Variants in SAMD4A observed in about 807,000 individuals in gnomAD.
The protein encoded by SAMD4A is sterile alpha motif domain containing 4A, also known as protein Smaug homolog 1.
A neutral mutation model predicts 81.3 loss-of-function variants in SAMD4A; 33 were observed. The ratio of observed to expected loss-of-function variants is 0.41; its 90% CI spans 0.31 to 0.54. The LOEUF (loss-of-function observed/expected upper bound fraction) is 0.54, where lower values mean the gene tolerates loss of function less well. SAMD4A is among the 20% of genes least tolerant of loss of function. The pLI, the probability that SAMD4A is intolerant of heterozygous loss-of-function variation, is 0.37. For missense variants in SAMD4A, 854 were observed against 951.1 expected (o/e 0.90, Z 1.34); for synonymous variants, 389 against 382.1 (o/e 1.02, Z -0.21).
Position 54,651,929 on chromosome 14 carries a change from C to T in SAMD4A, c.197-50133C>T, listed in dbSNP as rs1179347682. On this transcript the variant is annotated intron_variant, in intron 2 of 12. Coordinates refer to ENST00000554335, the MANE Select transcript of SAMD4A (RefSeq NM_015589.6). ...TTTGGTAATTGTAAACCATCCAGGA[C>T]CGTATCCTTTAGGTTTAATTTATCT... Among the ~76,000 whole-genome samples the T allele has an allele frequency of 2.6e-5, 4 of 152,196 alleles. No homozygotes were observed. The East Asian group carries it at 7.7e-4, about 29-fold the overall frequency.
chr14:54,688,931 C>CTTTTTTTTTTTTTTTTT (rs71127666), intron 2 of SAMD4A, among the ~76,000 whole-genome samples: 1 of 116,094 alleles, frequency 8.6e-6, no homozygotes, highest in Non-Finnish European at 1.8e-5. Flanking sequence ...AGTCGTAATT[C>CTTTTTTTTTTTTTTTTT]TTTTTTTTTT....
chr14:54,567,840 C>T lies in SAMD4A; in HGVS notation c.-77C>T. 1.3e-6 allele frequency: 2 copies of T among 1,505,930 alleles called. No homozygotes were observed. Among genetic ancestry groups the T allele is most frequent in the Non-Finnish European group, 1.8e-6 (2 of 1,123,474 alleles). The allele number at this position is 1,505,930 out of a possible 1,614,324, so 93.3% of individuals were successfully genotyped here. A position where few individuals can be genotyped will look rare whatever the true frequency, so the allele number is the denominator to read the frequency against. Reference sequence around the variant, plus strand: ...CGCGTCTCCGGCCGCGGGGCTGCGGCTCCGCCAAACTTTGGGGCGGGCGGG... The same window carrying T: ...CGCGTCTCCGGCCGCGGGGCTGCGGTTCCGCCAAACTTTGGGGCGGGCGGG... On this transcript the variant is annotated 5_prime_UTR_variant, in exon 2 of 13. Coordinates refer to ENST00000554335, the MANE Select transcript of SAMD4A (RefSeq NM_015589.6).
intron 2 of SAMD4A, among the ~76,000 whole-genome samples, chr14:54,598,719 CAA>C (rs2033976962): frequency 6.6e-6 from 1 of 152,052 alleles, no homozygotes; most frequent in Non-Finnish European, 1.5e-5. Flanking sequence ...AAAATAAAGA[CAA>C]AGAAAACAAA....
At position 54,702,448 on chromosome 14, in the gene SAMD4A, G is replaced by T. The variant is rs1180998464; in HGVS notation, c.583G>T (p.Asp195Tyr). 4 of 1,614,034 alleles carry T rather than the reference G, an allele frequency of 2.5e-6. No homozygotes were observed. The highest frequency in any genetic ancestry group is 3.4e-6 in the Non-Finnish European group (4 of 1,180,010). Residue 195 changes from aspartate to tyrosine, a missense_variant, in exon 3 of 13, where the codon GAT becomes TAT. Around this residue, in one of 3 missense-constraint regions of SAMD4A, gnomAD observed 387 missense variants for 405.8 expected, o/e 0.95. Transcript: ENST00000554335. Reference protein sequence around the residue: ...DKLNGWQNSRDSGICINASNW... With the variant: ...DKLNGWQNSRYSGICINASNW... ...GCTCAATGGGTGGCAGAACTCTCGG[G>T]ATTCTGGGATTTGCATCAATGCCTC...
chr14:54,650,414 AT>A, intron 2 of SAMD4A, among the ~76,000 whole-genome samples: 1 of 152,210 alleles, frequency 6.6e-6, no homozygotes, highest in East Asian at 1.9e-4. Flanking sequence ...GGAATGGCCC[AT>A]TGTTGAAGAT....
chr14:54,691,926 A>T (rs991657927), intron 2 of SAMD4A, among the ~76,000 whole-genome samples: 6 of 152,246 alleles, frequency 3.9e-5, no homozygotes, highest in African/African-American at 1.4e-4. Context: ...CCCCCATTGG[A>T]TGACTTGTAC....
Position 54,567,848 on chromosome 14 carries a change from A to G in SAMD4A, c.-69A>G. ...CGGCCGCGGGGCTGCGGCTCCGCCAAACTTTGGGGCGGGCGGGGCGGGCTG... is the reference window on the plus strand; with the variant it reads ...CGGCCGCGGGGCTGCGGCTCCGCCAGACTTTGGGGCGGGCGGGGCGGGCTG... On this transcript the variant is annotated 5_prime_UTR_variant, in exon 2 of 13. Transcript: ENST00000554335. 2 of 1,531,316 alleles carry G rather than the reference A, an allele frequency of 1.3e-6. No individual in the cohort carries two copies. The highest frequency in any genetic ancestry group is 1.7e-6 in the Non-Finnish European group (2 of 1,145,404). 94.9% of individuals were successfully genotyped at this position (1,531,316 alleles called of 1,614,324 possible).
At chr14:54,694,583 C>A (rs1334107412) in intron 2 of SAMD4A, 1 of 981,872 alleles carries the variant, frequency 1.0e-6, no homozygotes, top group Admixed American at 6.2e-5. Context: ...AGGGGAGAAA[C>A]CTGGGCTGGA....
intron 2 of SAMD4A, among the ~76,000 whole-genome samples, chr14:54,614,753 A>G (rs2034450338): frequency 6.6e-6 from 1 of 152,192 alleles, no homozygotes; most frequent in African/African-American, 2.4e-5. Context: ...TCAGTTATTT[A>G]TAAAATAAAG....
At chr14:54,730,085 T>G (rs907124166) in intron 3 of SAMD4A, among the ~76,000 whole-genome samples, 3 of 152,214 alleles carry the variant, frequency 2.0e-5, no homozygotes, top group African/African-American at 7.2e-5. Flanking sequence ...AATTTATTTC[T>G]TAAAAGCTCA....
At chr14:54,722,079 T>G (rs1205857401) in intron 3 of SAMD4A, among the ~76,000 whole-genome samples, 1 of 152,226 alleles carries the variant, frequency 6.6e-6, no homozygotes, top group African/African-American at 2.4e-5. Flanking sequence ...TTAAAAAGAT[T>G]AAGTATTAAT....
At chr14:54,623,477 C>A (rs2034666052) in intron 2 of SAMD4A, among the ~76,000 whole-genome samples, 1 of 32,214 alleles carries the variant, frequency 3.1e-5, no homozygotes, top group Non-Finnish European at 5.9e-5. Flanking sequence ...ATAACTTGGA[C>A]ATCAGCAAAA....
chr14:54,635,000 C>T (rs17253570), intron 2 of SAMD4A, among the ~76,000 whole-genome samples: 18,318 of 152,132 alleles, frequency 0.12, 1,154 homozygotes, highest in Middle Eastern at 0.17. Context: ...ATTCAGGGCT[C>T]ATCAGTTACA....
intron 2 of SAMD4A, among the ~76,000 whole-genome samples, chr14:54,594,756 A>T (rs920194838): frequency 7.9e-5 from 12 of 152,242 alleles, no homozygotes; most frequent in Non-Finnish European, 1.6e-4. Flanking sequence ...TTAAAATATT[A>T]AACTAGTCTC....
upstream of SAMD4A, among the ~76,000 whole-genome samples, chr14:54,566,425 G>A (rs1213458584): frequency 1.3e-5 from 2 of 151,910 alleles, no homozygotes; most frequent in East Asian, 1.9e-4. Flanking sequence ...GCAGCGTGTT[G>A]TTGGAAGCTA....
Position 54,760,334 on chromosome 14 carries a change from C to T in SAMD4A, c.1350C>T (p.Cys450=). 1 of 1,602,720 alleles carries T rather than the reference C, an allele frequency of 6.2e-7. No homozygotes were observed. Among genetic ancestry groups the T allele is most frequent in the Non-Finnish European group, 8.5e-7 (1 of 1,177,368 alleles). The change falls in exon 7 of 13, where the codon TGC becomes TGT. Residue 450 remains cysteine (C), a synonymous_variant. Coordinates refer to ENST00000554335, the MANE Select transcript of SAMD4A (RefSeq NM_015589.6). The part of the protein sequence containing the change: ...LMGPESQSPD[C]KDGAAATGAT... ...GCCCCGAGAGCCAGAGCCCCGACTG[C>T]AAAGATGGGGCCGCAGCCACTGGCG... is the stretch of plus-strand genomic sequence containing the variant.
intron 11 of SAMD4A, among the ~76,000 whole-genome samples, chr14:54,781,759 C>T (rs1000405543): frequency 2.6e-5 from 4 of 152,222 alleles, no homozygotes; most frequent in African/African-American, 7.2e-5. Flanking sequence ...GTCTGTGGGG[C>T]AAGAGCTGCC....
At chr14:54,582,901 A>G (rs1030400731) in intron 2 of SAMD4A, among the ~76,000 whole-genome samples, 2 of 152,212 alleles carry the variant, frequency 1.3e-5, no homozygotes, top group African/African-American at 4.8e-5. Flanking sequence ...AAAGTTTATG[A>G]GAGTAAAGTG....
chr14:54,704,275 TAA>T lies in SAMD4A; in HGVS notation c.715+1696_715+1697del, dbSNP rs753088939. Among the ~76,000 whole-genome samples, 6 of 152,262 alleles carry T rather than the reference TAA, an allele frequency of 3.9e-5. No homozygotes were observed. The South Asian group carries it at 1.2e-3, about 31-fold the overall frequency. On this transcript the variant is annotated intron_variant, in intron 3 of 12. Transcript: ENST00000554335. Reference sequence around the variant, plus strand: ...GCAGGCAGATGACAGTCTCTTGGTCTAAGTTTCCTGCATCAGCAACAGAATCT... The same window carrying T: ...GCAGGCAGATGACAGTCTCTTGGTCTGTTTCCTGCATCAGCAACAGAATCT...
Sources: gnomAD v4.1 joint callset for allele counts (sites outside exome capture counted in the v4.1 genomes callset) on GRCh38, gnomAD v4.1.1 for gene constraint, gnomAD v4.1.1 regional missense constraint, MANE v1.5 for transcripts, NCBI Gene and HGNC (gene_info 2026-07-23, HGNC 2026-07-21) for gene names.